The following REV1 variants were observed in gnomAD, a reference collection of about 807,000 sequenced individuals.
The protein encoded by REV1 is translesion synthesis protein REV1.
A neutral mutation model predicts 137.4 loss-of-function variants in REV1; 42 were observed. That is an observed-to-expected ratio of 0.31 (90% CI 0.24 to 0.40). REV1 has a LOEUF of 0.40. REV1 is among the 10% of genes least tolerant of loss of function. REV1 has a pLI of 1.00. For synonymous variants in REV1, 524 were observed against 519.2 expected (o/e 1.01, Z -0.12); for missense variants, 1,282 against 1,490.1 (o/e 0.86, Z 2.30).
chr2:99,404,171 G>T lies in REV1; in HGVS notation c.3045+273C>A, dbSNP rs28382964. Among the ~76,000 whole-genome samples, 662 of 152,266 alleles carry T rather than the reference G, an allele frequency of 4.3e-3. 22 individuals carry two copies. The East Asian group carries it at 0.098, about 22-fold the overall frequency. On this transcript the variant is annotated intron_variant, in intron 18 of 22. Transcript: ENST00000258428. Reference sequence around the variant, plus strand: ...TCTCCGCTCTGTTGTATTCAAGTGTGGCCATTGATGTGTTTGCCCCAGATC... The same window carrying T: ...TCTCCGCTCTGTTGTATTCAAGTGTTGCCATTGATGTGTTTGCCCCAGATC...
At chr2:99,407,080 C>CTTTTTTTTTTTGTT (rs1676416228) in intron 15 of REV1, among the ~76,000 whole-genome samples, 1 of 60,026 alleles carries the variant, frequency 1.7e-5, no homozygotes, top group Non-Finnish European at 2.9e-5. Context: ...TACAAAGGTT[C>CTTTTTTTTTTTGTT]TTTTTTTTTT....
chr2:99,475,320 G>A (rs886553715), intron 1 of REV1, among the ~76,000 whole-genome samples: 24 of 152,206 alleles, frequency 1.6e-4, no homozygotes, highest in African/African-American at 4.6e-4. Flanking sequence ...GAGAACAAAG[G>A]AAGGAGGAAG....
chr2:99,431,166 T>C (rs1253045774), intron 8 of REV1, among the ~76,000 whole-genome samples: 1 of 152,188 alleles, frequency 6.6e-6, no homozygotes, highest in Non-Finnish European at 1.5e-5. Context: ...CATCTAACTA[T>C]GCAACCCATA....
chr2:99,408,036 A>G lies in REV1; in HGVS notation c.2441T>C (p.Met814Thr). 1 of 1,565,246 alleles carries G rather than the reference A, an allele frequency of 6.4e-7. No homozygotes were observed. The highest frequency in any genetic ancestry group is 8.7e-7 in the Non-Finnish European group (1 of 1,144,908). ...FHTMKLNISD[M>T]RGVGIHVNQL... ...ATGTTACTATATACTTACCCCTCTCATATCTGATATATTTAGTTTCATTGT... is the reference window on the plus strand; with the variant it reads ...ATGTTACTATATACTTACCCCTCTCGTATCTGATATATTTAGTTTCATTGT... Residue 814 changes from methionine (M) to threonine (T), a missense_variant, in exon 15 of 23, where the codon ATG (methionine) becomes ACG (threonine). This residue lies in a region of REV1 where 372 missense variants were observed against 482.3 expected (regional missense o/e 0.77). Transcript: ENST00000258428.
chr2:99,429,692 G>A, intron 9 of REV1, 148 bp downstream of exon 9: 1 of 506,362 alleles, frequency 2.0e-6, no homozygotes, highest in East Asian at 3.3e-5. Context: ...GGGGGTTGTG[G>A]GGGGCATAGA....
intron 6 of REV1, among the ~76,000 whole-genome samples, chr2:99,437,241 C>T (rs573278831): frequency 3.3e-5 from 5 of 152,000 alleles, no homozygotes; most frequent in Non-Finnish European, 7.4e-5. Context: ...CCTCGGCCTC[C>T]GAAAGTGTGC....
chr2:99,421,457 T>G, intron 11 of REV1, 42 bp downstream of exon 11: 1 of 1,552,536 alleles, frequency 6.4e-7, no homozygotes, highest in East Asian at 2.3e-5. Context: ...TTCAAGAATC[T>G]CAAAGCAACT....
rs576854242 is a variant in REV1, at chr2:99,462,706, A to C, written c.55-84T>G. ...GAAAAAAAAAAATTTTAAAAACTAAATAAATAAATGGACCTTATTCTGTGC... is the reference window on the plus strand; with the variant it reads ...GAAAAAAAAAAATTTTAAAAACTAACTAAATAAATGGACCTTATTCTGTGC... On this transcript the variant is annotated intron_variant, in intron 2 of 22. Coordinates refer to ENST00000258428, the MANE Select transcript of REV1 (RefSeq NM_016316.4). The C allele has an allele frequency of 4.6e-5, 62 of 1,349,304 alleles. 2 individuals carry two copies. In the South Asian group the frequency reaches 7.9e-4, roughly 17 times the overall value. The allele number at this position is 1,349,304 out of a possible 1,614,324, so 83.6% of individuals were successfully genotyped here.
intron 3 of REV1, among the ~76,000 whole-genome samples, chr2:99,456,927 G>A (rs1331402856): frequency 6.6e-6 from 1 of 152,180 alleles, no homozygotes. Context: ...ATCTTGTTGA[G>A]CAAAATTTAA....
chr2:99,469,539 G>A (rs1230666066), intron 1 of REV1, among the ~76,000 whole-genome samples: 1 of 152,060 alleles, frequency 6.6e-6, no homozygotes, highest in East Asian at 1.9e-4. Flanking sequence ...GGTGAGGTAA[G>A]GTTAAGGCAA....
intron 1 of REV1, among the ~76,000 whole-genome samples, chr2:99,473,800 A>T (rs1685684252): frequency 6.6e-6 from 1 of 152,200 alleles, no homozygotes; most frequent in Non-Finnish European, 1.5e-5. Context: ...CCACAGAAAA[A>T]ATTACAGGTT....
chr2:99,453,889 T>A (rs1485723015), intron 3 of REV1, among the ~76,000 whole-genome samples: 2 of 76,330 alleles, frequency 2.6e-5, no homozygotes, highest in East Asian at 2.9e-4. Flanking sequence ...TAAGGCTCTG[T>A]CTCAAAAAAA....
Position 99,478,227 on chromosome 2 carries a change from C to CA in REV1, c.-11+11589dup, listed in dbSNP as rs570236470. Among the ~76,000 whole-genome samples, 24 of 152,150 alleles carry CA rather than the reference C, an allele frequency of 1.6e-4. No individual in the cohort carries two copies. The South Asian group carries it at 4.1e-3, about 26-fold the overall frequency. The stretch of plus-strand genomic sequence containing the variant: ...ACTGGCCAACACTGAGACTCTGTCT[C>CA]AAAAAAATAAAAAATAGAAAGTACC... On this transcript the variant is annotated intron_variant, in intron 1 of 22. Coordinates refer to ENST00000258428, the MANE Select transcript of REV1 (RefSeq NM_016316.4).
intron 1 of REV1, among the ~76,000 whole-genome samples, chr2:99,473,756 A>C (rs1685673016): frequency 6.6e-6 from 1 of 152,220 alleles, no homozygotes; most frequent in African/African-American, 2.4e-5. Context: ...GAATTCAAAG[A>C]ACTTCAATCT....
At chr2:99,413,170 A>G (rs1056702724) in intron 12 of REV1, among the ~76,000 whole-genome samples, 1 of 152,250 alleles carries the variant, frequency 6.6e-6, no homozygotes, top group African/African-American at 2.4e-5. Context: ...TGGACTCCAC[A>G]TATAGATGAA....
chr2:99,428,795 C>T (rs1679713438), intron 9 of REV1, among the ~76,000 whole-genome samples: 1 of 151,956 alleles, frequency 6.6e-6, no homozygotes, highest in Non-Finnish European at 1.5e-5. Context: ...GTTAGCCATC[C>T]TGGCTAACAC....
chr2:99,402,972 T>A lies in REV1; in HGVS notation c.3301A>T (p.Thr1101Ser). The change falls in exon 20 of 23, where the codon ACT (threonine) becomes TCT (serine). Residue 1101 changes from threonine to serine, a missense_variant. Physicochemically the swap from Thr to Ser is moderately conservative, Grantham distance 58 (BLOSUM62 1). This residue lies in a region of REV1 where 170 missense variants were observed against 156.8 expected (regional missense o/e 1.08). Transcript: ENST00000258428. ...GGACTGCCACAGGCCCCTGGCAGAG[T>A]TTTTGCAGGACTGTTAAGCAGCTTG... The part of the protein sequence containing the change: ...NNKLLNSPAK[T>S]LPGACGSPQK... 1 of 1,613,838 alleles carries A rather than the reference T, an allele frequency of 6.2e-7. No individual in the cohort carries two copies. The highest frequency in any genetic ancestry group is 8.5e-7 in the Non-Finnish European group (1 of 1,179,932).
At chr2:99,462,406 T>C in intron 3 of REV1, 90 bp downstream of exon 3, 1 of 1,203,620 alleles carries the variant, frequency 8.3e-7, no homozygotes, top group Non-Finnish European at 1.2e-6. Flanking sequence ...TTGTCTATAA[T>C]AAATGAGTAA....
chr2:99,439,212 A>G lies in REV1; in HGVS notation c.602T>C (p.Val201Ala). The G allele has an allele frequency of 6.2e-7, 1 of 1,614,168 alleles. No homozygotes were observed. The highest frequency in any genetic ancestry group is 1.3e-5 in the African/African-American group (1 of 75,046). The change falls in exon 6 of 23, where the codon GTG becomes GCG. Residue 201 changes from valine to alanine, a missense_variant. Coordinates refer to ENST00000258428, the MANE Select transcript of REV1 (RefSeq NM_016316.4). The stretch of plus-strand genomic sequence containing the variant: ...TCCCGGAGAGGTCTGCTCCAGATCC[A>G]CAAAACTAAAATCATTATTTTCATC... ...EEDENNDFSF[V>A]DLEQTSPGRK...
Sources: allele counts gnomAD v4.1 joint callset (sites outside exome capture counted in the v4.1 genomes callset), GRCh38; gene constraint gnomAD v4.1.1; regional missense constraint gnomAD v4.1.1; transcripts MANE v1.5; gene names NCBI Gene and HGNC (gene_info 2026-07-23, HGNC 2026-07-21).